TJP1: variants seen among roughly 807,000 people sequenced by gnomAD.
TJP1 encodes the protein tight junction protein 1, also known as tight junction protein ZO-1.
Under a neutral mutation model 194.2 loss-of-function variants are expected in TJP1, and 43 were observed. The observed-to-expected ratio is 0.22, with a 90% CI of 0.17 to 0.29. The LOEUF (loss-of-function observed/expected upper bound fraction) is 0.29, where lower values mean the gene tolerates loss of function less well. Among genes scored for constraint, TJP1 ranks in the 10% least tolerant of loss-of-function variants. The pLI is 1.00. For synonymous variants in TJP1, 801 were observed against 779.0 expected (o/e 1.03, Z -0.47); for missense variants, 1,971 against 2,185.7 (o/e 0.90, Z 1.96).
intron 1 of TJP1, chr15:29,821,498 C>CTT (rs1469008105): frequency 1.3e-5 from 2 of 152,220 alleles, no homozygotes; most frequent in Non-Finnish European, 2.9e-5. Flanking sequence ...GTCTCAAAGC[C>CTT]TTATCGCTGG....
At chr15:29,790,448 C>T (rs1595901105) in intron 2 of TJP1, among the ~76,000 whole-genome samples, 1 of 54,210 alleles carries the variant, frequency 1.8e-5, no homozygotes, top group African/African-American at 4.6e-5. Flanking sequence ...ATGGGATCCA[C>T]ATCATACATT....
intron 2 of TJP1, among the ~76,000 whole-genome samples, chr15:29,846,840 G>A (rs2051430400): frequency 6.6e-6 from 1 of 151,894 alleles, no homozygotes; most frequent in African/African-American, 2.4e-5. Flanking sequence ...GCAGGAGAAT[G>A]GTGTGAACCT....
chr15:29,853,771 G>A (rs785447), intron 2 of TJP1, among the ~76,000 whole-genome samples: 20,417 of 152,070 alleles, frequency 0.13, 1,742 homozygotes, highest in East Asian at 0.28. Context: ...ATTTTACAAG[G>A]TTACTAAATG....
chr15:29,741,214 A>G (rs1016460940), intron 10 of TJP1, 117 bp downstream of exon 10: 2 of 702,978 alleles, frequency 2.8e-6, no homozygotes, highest in African/African-American at 3.8e-5. Context: ...TAATCATAGT[A>G]TTAGGTGGTA....
rs11464931 is a variant in TJP1 at position 29,700,721 on chromosome 15, C to CA, written c.*873dup. On this transcript the variant is annotated 3_prime_UTR_variant, in exon 28 of 28. Coordinates refer to ENST00000614355, the MANE Select transcript of TJP1 (RefSeq NM_001330239.4). The stretch of plus-strand genomic sequence containing the variant: ...ACAGAAAACCACCACTGCCCCTTGT[C>CA]AAAAAAAAAAAAAAAGAAAAGAAAA... 89,103 of 142,036 alleles carry CA rather than the reference C, an allele frequency of 0.63. 26,751 individuals are homozygous for CA. Among genetic ancestry groups the CA allele is most frequent in the Non-Finnish European group, 0.69 (52,482 of 76,262 alleles). The allele number at this position is 142,036 out of a possible 1,614,324, so 8.8% of individuals were successfully genotyped here. A position where few individuals can be genotyped will look rare whatever the true frequency, so the allele number is the denominator to read the frequency against.
intron 2 of TJP1, among the ~76,000 whole-genome samples, chr15:29,912,900 T>G (rs2054067149): frequency 6.6e-6 from 1 of 152,128 alleles, no homozygotes; most frequent in Non-Finnish European, 1.5e-5. Context: ...TATCAGTAAT[T>G]TCATACGGTT....
At chr15:29,832,822 A>G (rs954085595) in intron 2 of TJP1, among the ~76,000 whole-genome samples, 3 of 152,236 alleles carry the variant, frequency 2.0e-5, no homozygotes, top group African/African-American at 7.2e-5. Context: ...ATGACCAGAC[A>G]CTACGGAAAC....
intron 2 of TJP1, among the ~76,000 whole-genome samples, chr15:29,886,460 G>A (rs1225141919): frequency 6.6e-6 from 1 of 151,492 alleles, no homozygotes; most frequent in Non-Finnish European, 1.5e-5. Context: ...ATTTACAGCT[G>A]AGGGTCCCTG....
In TJP1 at chr15:29,701,555, A is replaced by T; in HGVS notation, c.*40T>A. The T allele has an allele frequency of 6.6e-7, 1 of 1,511,764 alleles. No individual in the cohort carries two copies. The highest frequency in any genetic ancestry group is 9.2e-7 in the Non-Finnish European group (1 of 1,088,270). 93.6% of individuals were successfully genotyped at this position (1,511,764 alleles called of 1,614,324 possible). On this transcript the variant is annotated 3_prime_UTR_variant, in exon 28 of 28. Transcript: ENST00000614355. ...GAGTGGTTCCATTTAGATTAAGTTTAATCCAGTTTCACATTATTTAAGTTC... is the reference window on the plus strand; with the variant it reads ...GAGTGGTTCCATTTAGATTAAGTTTTATCCAGTTTCACATTATTTAAGTTC...
rs1186819457 is a variant in TJP1 at position 29,864,250 on chromosome 15, A to AG, written c.307-63549_307-63548insC. ...CTACTAAAAATACAAAAAAAAAAAA[A>AG]AAAAAAAAAAAAAAGCTGGGTGTGG... is the stretch of plus-strand genomic sequence containing the variant. On this transcript the variant is annotated intron_variant, in intron 2 of 28. Transcript: ENST00000356107. 3.9e-4 allele frequency among the ~76,000 whole-genome samples: 58 copies of AG among 147,420 alleles called. 1 individual carries two copies. The East Asian group carries it at 0.011, about 29-fold the overall frequency.
intron 2 of TJP1, among the ~76,000 whole-genome samples, chr15:29,923,573 T>C (rs1420107921): frequency 1.3e-5 from 2 of 152,176 alleles, no homozygotes; most frequent in Non-Finnish European, 1.5e-5. Flanking sequence ...CCATATATTA[T>C]ATGATTCTAT....
At chr15:29,859,717 C>T (rs1041810272) in intron 2 of TJP1, among the ~76,000 whole-genome samples, 2 of 152,184 alleles carry the variant, frequency 1.3e-5, no homozygotes, top group Non-Finnish European at 2.9e-5. Context: ...TCACAGGTAG[C>T]TTTCCACAAA....
chr15:29,825,728 A>G (rs899975749), upstream of TJP1, among the ~76,000 whole-genome samples: 6 of 152,234 alleles, frequency 3.9e-5, no homozygotes, highest in Non-Finnish European at 7.3e-5. Flanking sequence ...GACAATCTCG[A>G]TAATGTCAGA....
chr15:29,821,768 G>T (rs1013222176), intron 1 of TJP1, among the ~76,000 whole-genome samples: 46 of 150,582 alleles, frequency 3.1e-4, no homozygotes, highest in Non-Finnish European at 5.5e-4. Flanking sequence ...TACGGCGGCC[G>T]GGCGCCCGCA....
chr15:29,961,847 G>A (rs145930646), intron 1 of TJP1, among the ~76,000 whole-genome samples: 1 of 152,310 alleles, frequency 6.6e-6, no homozygotes, highest in East Asian at 1.9e-4. Context: ...GCCTGCTCCA[G>A]CACAGCTTCC....
At chr15:29,791,298 A>G (rs928574678) in intron 2 of TJP1, among the ~76,000 whole-genome samples, 1 of 151,430 alleles carries the variant, frequency 6.6e-6, no homozygotes, top group Admixed American at 6.6e-5. Context: ...AAGTGCTGGG[A>G]TTACAGGCAT....
intron 2 of TJP1, among the ~76,000 whole-genome samples, chr15:29,888,211 T>C (rs1032067617): frequency 1.1e-4 from 16 of 152,034 alleles, no homozygotes; most frequent in Admixed American, 4.6e-4. Context: ...GATTTATATA[T>C]GAAAGTATTA....
At position 29,800,672 on chromosome 15, in the gene TJP1, C is replaced by G. The variant is rs755851796; in HGVS notation, c.58G>C (p.Glu20Gln). ...STAMEETAIW[E>Q]QHTVTLHRAP... ...CTGTGAAGCGTCACTGTATGTTGTT[C>G]CCATATAGCTGTTTCCTCCATTGCT... The change falls in exon 2 of 28, where the codon GAA becomes CAA. Residue 20 changes from glutamate to glutamine, a missense_variant. This residue lies in a region of TJP1 where 245 missense variants were observed against 336.6 expected (regional missense o/e 0.73). Transcript: ENST00000614355. The G allele has an allele frequency of 6.2e-7, 1 of 1,613,840 alleles. No homozygotes were observed. The highest frequency in any genetic ancestry group is 1.7e-5 in the Admixed American group (1 of 60,006).
intron 27 of TJP1, 72 bp downstream of exon 27, chr15:29,704,090 A>T: frequency 7.0e-7 from 1 of 1,438,732 alleles, no homozygotes; most frequent in South Asian, 1.3e-5. Flanking sequence ...CAGCATGGGC[A>T]GCATCATCAG....
Sources: allele counts gnomAD v4.1 joint callset (sites outside exome capture counted in the v4.1 genomes callset), GRCh38; gene constraint gnomAD v4.1.1; regional missense constraint gnomAD v4.1.1; transcripts MANE v1.5; gene names NCBI Gene and HGNC (gene_info 2026-07-23, HGNC 2026-07-21).